Variants in ADAM18 observed in about 807,000 individuals in gnomAD.
The protein encoded by ADAM18 is disintegrin and metalloproteinase domain-containing protein 18.
ADAM18 carries 117 observed loss-of-function variants against 94.4 expected under a neutral mutation model. The observed-to-expected ratio is 1.24, with a 90% confidence interval of 1.07 to 1.45. The LOEUF (loss-of-function observed/expected upper bound fraction) is 1.45, where lower values mean the gene tolerates loss of function less well. Among genes scored for constraint, ADAM18 ranks in the 40% most tolerant of loss-of-function variants. ADAM18 has a pLI of 0.00. For missense variants in ADAM18, 936 were observed against 880.0 expected, an observed-to-expected ratio of 1.06 and a Z score of -0.81; for synonymous variants, 327 against 291.6, an observed-to-expected ratio of 1.12 and a Z score of -1.24.
intron 18 of ADAM18, among the ~76,000 whole-genome samples, chr8:39,712,998 A>C (rs1357786444): frequency 6.6e-6 from 1 of 152,206 alleles, no homozygotes; most frequent in Admixed American, 6.5e-5. Context: ...CCTAAGCAAA[A>C]TGAACAAAGC....
At chr8:39,719,007 T>G (rs998100005) in intron 18 of ADAM18, among the ~76,000 whole-genome samples, 1 of 151,096 alleles carries the variant, frequency 6.6e-6, no homozygotes, top group Non-Finnish European at 1.5e-5. Context: ...TAAACCTTAT[T>G]GTAAAACTCA....
intron 7 of ADAM18, among the ~76,000 whole-genome samples, chr8:39,632,039 T>A (rs562913098): frequency 7.9e-5 from 12 of 152,118 alleles, no homozygotes; most frequent in African/African-American, 2.4e-4. Context: ...ACTTGTTAAT[T>A]CTTGTGTTTC....
intron 12 of ADAM18, among the ~76,000 whole-genome samples, chr8:39,658,464 A>T (rs1820745082): frequency 6.6e-6 from 1 of 152,150 alleles, no homozygotes; most frequent in Non-Finnish European, 1.5e-5. Flanking sequence ...GGCTTTAAAG[A>T]TAGAGGAAAA....
chr8:39,715,740 CAA>C (rs1822552579), intron 18 of ADAM18, among the ~76,000 whole-genome samples: 1 of 151,852 alleles, frequency 6.6e-6, no homozygotes, highest in Non-Finnish European at 1.5e-5. Flanking sequence ...AAAACTCACA[CAA>C]GATGAAACAG....
At position 39,648,368 on chromosome 8, in the gene ADAM18, T is replaced by G. The variant is rs769344980; in HGVS notation, c.1071T>G (p.Phe357Leu). Residue 357 changes from phenylalanine (F) to leucine (L), a missense_variant, in exon 12 of 20, where the codon TTT (phenylalanine) becomes TTG (leucine). By Grantham distance (22) the Phe-to-Leu change is conservative. Coordinates refer to ENST00000265707, the MANE Select transcript of ADAM18 (RefSeq NM_014237.3). ...GGAGTGCCAGTGGTAGAAAGATTTT[T>G]AGCAACTGCAGCATGCACGACTATA... ...EAVSASGRKI[F>L]SNCSMHDYRY... 11 of 1,594,600 alleles carry G rather than the reference T, an allele frequency of 6.9e-6. No individual in the cohort carries two copies. The highest frequency in any genetic ancestry group is 9.4e-6 in the Non-Finnish European group (11 of 1,171,824).
chr8:39,604,235 A>G (rs534630422), intron 2 of ADAM18, among the ~76,000 whole-genome samples: 7 of 152,188 alleles, frequency 4.6e-5, no homozygotes, highest in African/African-American at 1.4e-4. Flanking sequence ...AAAAATTACA[A>G]AAAAACATAC....
At chr8:39,599,799 G>C (rs1436137446) in intron 2 of ADAM18, among the ~76,000 whole-genome samples, 1 of 151,484 alleles carries the variant, frequency 6.6e-6, no homozygotes, top group Non-Finnish European at 1.5e-5. Flanking sequence ...TCACGCATTA[G>C]TTCTAGCAAC....
intron 6 of ADAM18, among the ~76,000 whole-genome samples, chr8:39,625,371 G>T (rs1231967026): frequency 6.6e-6 from 1 of 152,110 alleles, no homozygotes; most frequent in Non-Finnish European, 1.5e-5. Flanking sequence ...CTACTAATTT[G>T]TGTACATTGA....
chr8:39,703,610 C>T (rs900322754), intron 17 of ADAM18, among the ~76,000 whole-genome samples: 6 of 151,880 alleles, frequency 4.0e-5, no homozygotes, highest in South Asian at 2.1e-4. Flanking sequence ...ATGATGTTAG[C>T]GGTGGTTTTG....
chr8:39,718,501 T>C (rs1822642155), intron 18 of ADAM18, among the ~76,000 whole-genome samples: 1 of 151,554 alleles, frequency 6.6e-6, no homozygotes, highest in Non-Finnish European at 1.5e-5. Flanking sequence ...AAGTACCTAA[T>C]ATAGTCATAT....
chr8:39,672,589 C>T (rs1305568849), intron 14 of ADAM18, among the ~76,000 whole-genome samples: 1 of 152,106 alleles, frequency 6.6e-6, no homozygotes, highest in Admixed American at 6.6e-5. Flanking sequence ...AGAGTTGTCT[C>T]AGTAAATATC....
At chr8:39,693,360 C>T (rs1250719980) in intron 17 of ADAM18, among the ~76,000 whole-genome samples, 1 of 151,080 alleles carries the variant, frequency 6.6e-6, no homozygotes, top group Non-Finnish European at 1.5e-5. Flanking sequence ...CAGTAATTTG[C>T]CATCAGTTAT....
intron 12 of ADAM18, 91 bp from the exon 13 acceptor site, chr8:39,663,704 C>T: frequency 1.6e-6 from 1 of 624,180 alleles, no homozygotes; most frequent in East Asian, 4.6e-5. Flanking sequence ...CAAGTTTGTA[C>T]ACAACAGAAT....
intron 18 of ADAM18, among the ~76,000 whole-genome samples, chr8:39,713,897 C>A (rs1202555018): frequency 6.6e-6 from 1 of 152,148 alleles, no homozygotes; most frequent in South Asian, 2.1e-4. Context: ...CCTCAAGGAT[C>A]TAGATCTAGA....
chr8:39,694,989 C>A (rs756456823), intron 17 of ADAM18, among the ~76,000 whole-genome samples: 1 of 151,402 alleles, frequency 6.6e-6, no homozygotes, highest in African/African-American at 2.4e-5. Context: ...TCCTAGAAAC[C>A]CATGAACTTT....
chr8:39,596,440 C>CT (rs2129458162), intron 2 of ADAM18, among the ~76,000 whole-genome samples: 1 of 152,222 alleles, frequency 6.6e-6, no homozygotes, highest in South Asian at 2.1e-4. Flanking sequence ...AGTATGTAGC[C>CT]TTTTCAGATG....
Position 39,647,479 on chromosome 8 carries a change from C to T in ADAM18, c.1047-865C>T, listed in dbSNP as rs994376120. 3.3e-5 allele frequency among the ~76,000 whole-genome samples: 5 copies of T among 152,248 alleles called. No homozygotes were observed. In the East Asian group the frequency reaches 9.7e-4, roughly 30 times the overall value. ...GGGTTTTATACCGAGACATTCAGTT[C>T]CCAGGGGCAGGCAGGAGACAGTGGC... On this transcript the variant is annotated intron_variant, in intron 11 of 19. Coordinates refer to ENST00000265707, the MANE Select transcript of ADAM18 (RefSeq NM_014237.3).
At chr8:39,654,924 G>C (rs998745350) in intron 12 of ADAM18, among the ~76,000 whole-genome samples, 2 of 151,980 alleles carry the variant, frequency 1.3e-5, no homozygotes, top group African/African-American at 4.8e-5. Flanking sequence ...TTCCTTATAT[G>C]CTTTTATATT....
chr8:39,648,414 G>A lies in ADAM18; in HGVS notation c.1117G>A (p.Glu373Lys), dbSNP rs1212129083. Reference protein sequence around the residue: ...HDYRYFVSKFETKCLQKLSNL... With the variant: ...HDYRYFVSKFKTKCLQKLSNL... ...CTATAGATATTTTGTTTCAAAATTT[G>A]AGACTAAATGCCTTCAGAAGCTTTC... The change falls in exon 12 of 20, where the codon GAG becomes AAG. Residue 373 changes from glutamate (E) to lysine (K), a missense_variant. Physicochemically the swap from Glu to Lys is moderately conservative, Grantham distance 56. Transcript: ENST00000265707. 13 of 1,612,926 alleles carry A rather than the reference G, an allele frequency of 8.1e-6. No homozygotes were observed. The highest frequency in any genetic ancestry group is 1.1e-5 in the Non-Finnish European group (13 of 1,179,522).
Sources: gnomAD v4.1 joint callset for allele counts (sites outside exome capture counted in the v4.1 genomes callset) on GRCh38, gnomAD v4.1.1 for gene constraint, MANE v1.5 for transcripts, NCBI Gene and HGNC (gene_info 2026-07-23, HGNC 2026-07-21) for gene names.